Variants in NKAIN1 observed in about 807,000 individuals in gnomAD.
NKAIN1 encodes the protein sodium/potassium-transporting ATPase subunit beta-1-interacting protein 1.
Under a neutral mutation model 31.6 loss-of-function variants are expected in NKAIN1, and 13 were observed. The observed-to-expected ratio is 0.41, with a 90% CI of 0.27 to 0.65. NKAIN1 has a LOEUF of 0.65. NKAIN1 is among the 30% of genes least tolerant of loss of function. NKAIN1 has a pLI of 0.30. For missense variants in NKAIN1, 193 were observed against 262.2 expected, an observed-to-expected ratio of 0.74 and a Z score of 1.82; for synonymous variants, 104 against 109.0, an observed-to-expected ratio of 0.95 and a Z score of 0.28.
At chr1:31,199,264 G>A (rs995737827) in intron 1 of NKAIN1, among the ~76,000 whole-genome samples, 4 of 152,246 alleles carry the variant, frequency 2.6e-5, no homozygotes, top group East Asian at 1.9e-4. Context: ...TGTGACCTTC[G>A]GCAAGTTATC....
chr1:31,202,674 T>TAA lies in NKAIN1; in HGVS notation c.55-14489_55-14488dup, dbSNP rs35561378. 2.5e-3 allele frequency among the ~76,000 whole-genome samples: 254 copies of TAA among 100,950 alleles called. 2 individuals are homozygous for TAA. The highest frequency in any genetic ancestry group is 0.017 in the Middle Eastern group (2 of 118). The allele number at this position is 100,950 out of a possible 152,430, so 66.2% of individuals were successfully genotyped here. On this transcript the variant is annotated intron_variant, in intron 1 of 6. Transcript: ENST00000373736. ...CCTGGGCGACAGAGGAGACTCTGTA[T>TAA]AAAAAAAAAAAAAAAAAAATCAGGC...
chr1:31,193,111 C>G (rs1027803705), intron 1 of NKAIN1, among the ~76,000 whole-genome samples: 2 of 151,206 alleles, frequency 1.3e-5, no homozygotes, highest in Non-Finnish European at 2.9e-5. Context: ...CTCTGTCTCC[C>G]AGGCTGGAGT....
chr1:31,200,077 AT>A (rs1261802804), intron 1 of NKAIN1, among the ~76,000 whole-genome samples: 2 of 151,904 alleles, frequency 1.3e-5, no homozygotes, highest in African/African-American at 4.8e-5. Flanking sequence ...GCACGAACAC[AT>A]GCGCGCACAC....
At chr1:31,211,603 C>CTTT (rs35958405) in intron 1 of NKAIN1, among the ~76,000 whole-genome samples, 80,194 of 146,418 alleles carry the variant, frequency 0.55, 26,157 homozygotes, top group Middle Eastern at 0.8. Flanking sequence ...TTCCAACTAC[C>CTTT]TTTTTTTTTT....
chr1:31,197,455 T>C (rs1287082105), intron 1 of NKAIN1, among the ~76,000 whole-genome samples: 29 of 150,428 alleles, frequency 1.9e-4, no homozygotes, highest in Non-Finnish European at 3.6e-4. Context: ...ACCATGTTGG[T>C]CAGGTTGGTC....
At chr1:31,234,287 G>A (rs987786610) in intron 1 of NKAIN1, among the ~76,000 whole-genome samples, 28 of 152,316 alleles carry the variant, frequency 1.8e-4, no homozygotes, top group African/African-American at 6.5e-4. Context: ...ACCCTCCCGA[G>A]GAAGCCGTGA....
At chr1:31,208,138 AATCCCCACTCC>A (rs1163373725) in intron 1 of NKAIN1, among the ~76,000 whole-genome samples, 3 of 152,120 alleles carry the variant, frequency 2.0e-5, no homozygotes, top group Non-Finnish European at 4.4e-5. Context: ...GTTCTGTTCA[AATCCCCACTCC>A]ATCATTTACT....
chr1:31,217,353 C>T (rs979971074), intron 1 of NKAIN1, among the ~76,000 whole-genome samples: 5 of 151,880 alleles, frequency 3.3e-5, no homozygotes, highest in South Asian at 4.2e-4. Context: ...TTTGTAGAGA[C>T]GGGGGTCTCA....
intron 1 of NKAIN1, among the ~76,000 whole-genome samples, chr1:31,217,805 C>T (rs1645524736): frequency 2.6e-5 from 4 of 152,100 alleles, no homozygotes; most frequent in Admixed American, 2.6e-4. Flanking sequence ...CCTAACAGGC[C>T]CCACTGTGTC....
chr1:31,227,678 G>T (rs553439161), intron 1 of NKAIN1, among the ~76,000 whole-genome samples: 2 of 152,222 alleles, frequency 1.3e-5, no homozygotes, highest in Non-Finnish European at 2.9e-5. Context: ...GTTCACAGCA[G>T]AGCCAGGCCT....
intron 1 of NKAIN1, among the ~76,000 whole-genome samples, chr1:31,192,695 C>T (rs1191084854): frequency 5.3e-5 from 8 of 151,992 alleles, no homozygotes; most frequent in South Asian, 2.1e-4. Flanking sequence ...GGACTACAGG[C>T]GCATCCCACC....
chr1:31,235,445 T>G (rs900286375), intron 1 of NKAIN1, among the ~76,000 whole-genome samples: 2 of 152,200 alleles, frequency 1.3e-5, no homozygotes, highest in Admixed American at 1.3e-4. Flanking sequence ...CCAGGTGTGG[T>G]GACATGCACC....
intron 1 of NKAIN1, among the ~76,000 whole-genome samples, chr1:31,221,521 C>T (rs1380467644): frequency 2.6e-5 from 4 of 152,044 alleles, no homozygotes; most frequent in Non-Finnish European, 2.9e-5. Context: ...CTGCAACATC[C>T]GCCTCCCGGG....
intron 1 of NKAIN1, among the ~76,000 whole-genome samples, chr1:31,191,076 A>T (rs559884146): frequency 2.0e-5 from 3 of 152,300 alleles, no homozygotes; most frequent in African/African-American, 7.2e-5. Flanking sequence ...GGACCACTTG[A>T]GGTCAGGAGC....
At chr1:31,207,962 T>C (rs1645436809) in intron 1 of NKAIN1, among the ~76,000 whole-genome samples, 1 of 151,958 alleles carries the variant, frequency 6.6e-6, no homozygotes, top group Non-Finnish European at 1.5e-5. Context: ...ATCTGCAGGC[T>C]CTAGAGCCTG....
chr1:31,185,723 C>A (rs1645236741), intron 2 of NKAIN1, among the ~76,000 whole-genome samples: 1 of 152,148 alleles, frequency 6.6e-6, no homozygotes, highest in Non-Finnish European at 1.5e-5. Context: ...AATGCAGATT[C>A]TTGGGTCCTA....
intron 1 of NKAIN1, among the ~76,000 whole-genome samples, chr1:31,209,412 C>T (rs1265218139): frequency 6.6e-6 from 1 of 151,988 alleles, no homozygotes. Flanking sequence ...CAACCAGCAG[C>T]CCAGCAGAGT....
chr1:31,239,069 G>T lies in NKAIN1; in HGVS notation c.54+425C>A, dbSNP rs1360545870. Among the ~76,000 whole-genome samples, 1 of 152,074 alleles carries T rather than the reference G, an allele frequency of 6.6e-6. No individual in the cohort carries two copies. Among genetic ancestry groups the T allele is most frequent in the Non-Finnish European group, 1.5e-5 (1 of 67,988 alleles). ...GCTCACACAGGGGTGGTGATCAGAG[G>T]CAGAGACCCAGAGGAAGGGAGAGAC... On this transcript the variant is annotated intron_variant, in intron 1 of 6. Coordinates refer to ENST00000373736, the MANE Select transcript of NKAIN1 (RefSeq NM_024522.3). This position sits in a 1 kb window ranked among gnomAD's most constrained non-coding sequence, Gnocchi z 4.8.
At chr1:31,230,878 ATTT>A (rs35096054) in intron 1 of NKAIN1, among the ~76,000 whole-genome samples, 45 of 79,278 alleles carry the variant, frequency 5.7e-4, no homozygotes, top group African/African-American at 8.3e-4. Context: ...TCTTTGGGTT[ATTT>A]TTTTTTTTTT....
Sources: allele counts gnomAD v4.1 joint callset (sites outside exome capture counted in the v4.1 genomes callset), GRCh38; gene constraint gnomAD v4.1.1; non-coding constraint Gnocchi (gnomAD v3.1); transcripts MANE v1.5; gene names NCBI Gene and HGNC (gene_info 2026-07-23, HGNC 2026-07-21).